ZBTB7C: variants seen among roughly 807,000 people sequenced by gnomAD.
ZBTB7C encodes the protein zinc finger and BTB domain-containing protein 7C.
A neutral mutation model predicts 25.7 loss-of-function variants in ZBTB7C; 8 were observed. The ratio of observed to expected loss-of-function variants is 0.31; its 90% CI spans 0.18 to 0.56. ZBTB7C has a LOEUF of 0.56. ZBTB7C is among the 20% of genes least tolerant of loss of function. ZBTB7C has a pLI of 0.91. For synonymous variants in ZBTB7C, 394 were observed against 369.0 expected (o/e 1.07, Z -0.78); for missense variants, 824 against 855.2 (o/e 0.96, Z 0.46).
At chr18:48,093,309 CCAA>C (rs2038490590) in intron 3 of ZBTB7C, among the ~76,000 whole-genome samples, 1 of 152,192 alleles carries the variant, frequency 6.6e-6, no homozygotes, top group Non-Finnish European at 1.5e-5. Flanking sequence ...CTCCCCCTGG[CCAA>C]GCCTAGCCAG....
intron 3 of ZBTB7C, among the ~76,000 whole-genome samples, chr18:48,077,794 G>C (rs529355085): frequency 7.2e-5 from 11 of 152,288 alleles, no homozygotes; most frequent in Non-Finnish European, 1.5e-4. Flanking sequence ...GCAGAGGCAG[G>C]ACTCAGGCCT....
At chr18:48,395,407 G>A (rs2048006422) in intron 1 of ZBTB7C, among the ~76,000 whole-genome samples, 1 of 142,932 alleles carries the variant, frequency 7.0e-6, no homozygotes, top group Non-Finnish European at 1.5e-5. Context: ...GTGTGTCAGA[G>A]GGGTTGGGGG....
At chr18:48,298,597 T>G (rs2045463305) in intron 2 of ZBTB7C, among the ~76,000 whole-genome samples, 1 of 152,174 alleles carries the variant, frequency 6.6e-6, no homozygotes, top group African/African-American at 2.4e-5. Context: ...TTACCACTCA[T>G]GCACTTTGGT....
intron 2 of ZBTB7C, among the ~76,000 whole-genome samples, chr18:48,314,519 C>T (rs1455442849): frequency 6.6e-6 from 1 of 152,146 alleles, no homozygotes; most frequent in African/African-American, 2.4e-5. Flanking sequence ...AGGAAAAGGG[C>T]AGGAGAGCCC....
chr18:48,188,745 G>C (rs960818186), intron 2 of ZBTB7C, among the ~76,000 whole-genome samples: 1 of 151,994 alleles, frequency 6.6e-6, no homozygotes, highest in Non-Finnish European at 1.5e-5. Flanking sequence ...TCCCCTGTCT[G>C]CTCTCCCCAC....
Position 48,216,915 on chromosome 18 carries a change from C to T in ZBTB7C, c.-78-30920G>A, listed in dbSNP as rs369396535. Among the ~76,000 whole-genome samples, 5 of 152,280 alleles carry T rather than the reference C, an allele frequency of 3.3e-5. No homozygotes were observed. In the East Asian group the frequency reaches 5.8e-4, roughly 18 times the overall value. On this transcript the variant is annotated intron_variant, in intron 2 of 4. Coordinates refer to ENST00000590800, the MANE Select transcript of ZBTB7C (RefSeq NM_001318841.2). ...GTAATTAATTAGGATGAGGTCATAC[C>T]GGATGAGAGTAGGTCTCTAATCTAG...
intron 2 of ZBTB7C, among the ~76,000 whole-genome samples, chr18:48,326,029 A>G (rs1055281457): frequency 6.6e-6 from 1 of 152,096 alleles, no homozygotes; most frequent in African/African-American, 2.4e-5. Flanking sequence ...GGGACAGAGC[A>G]TAAGGACCTG....
intron 1 of ZBTB7C, among the ~76,000 whole-genome samples, chr18:48,404,874 C>T (rs1013443490): frequency 6.6e-6 from 1 of 152,222 alleles, no homozygotes; most frequent in Non-Finnish European, 1.5e-5. Context: ...GAGCAACATG[C>T]CAGCCCTGCC....
At chr18:48,097,391 A>G (rs1177055148) in intron 3 of ZBTB7C, among the ~76,000 whole-genome samples, 9 of 149,074 alleles carry the variant, frequency 6.0e-5, no homozygotes, top group South Asian at 4.2e-4. Flanking sequence ...TGTTATTATT[A>G]TTATTATTAT....
Position 48,162,588 on chromosome 18 carries a change from T to G in ZBTB7C, c.-17+23346A>C, listed in dbSNP as rs535549710. 2.0e-5 allele frequency among the ~76,000 whole-genome samples: 3 copies of G among 152,284 alleles called. No homozygotes were observed. The South Asian group carries it at 6.2e-4, about 32-fold the overall frequency. On this transcript the variant is annotated intron_variant, in intron 3 of 4. Transcript: ENST00000590800. ...AAGCACCTCCTATGCACGAGGGAGA[T>G]CACATGGTATGGTCCAAGAGTCTTG...
intron 3 of ZBTB7C, among the ~76,000 whole-genome samples, chr18:48,098,113 A>C (rs560880690): frequency 6.6e-6 from 1 of 152,316 alleles, no homozygotes; most frequent in Admixed American, 6.5e-5. Context: ...AACATTTGTG[A>C]TGGGTGAGAG....
At chr18:48,182,064 G>T (rs1205236395) in intron 3 of ZBTB7C, among the ~76,000 whole-genome samples, 4 of 152,168 alleles carry the variant, frequency 2.6e-5, no homozygotes, top group Non-Finnish European at 4.4e-5. Context: ...TCTGTGTCCT[G>T]CAAACTCTGT....
intron 2 of ZBTB7C, among the ~76,000 whole-genome samples, chr18:48,267,212 C>A (rs140508498): frequency 6.6e-6 from 1 of 152,334 alleles, no homozygotes; most frequent in Non-Finnish European, 1.5e-5. Context: ...ACAGAAACTA[C>A]ATGACAGGAA....
chr18:48,067,845 T>C (rs1295722821), intron 3 of ZBTB7C, among the ~76,000 whole-genome samples: 1 of 151,848 alleles, frequency 6.6e-6, no homozygotes, highest in Non-Finnish European at 1.5e-5. Context: ...CTACTAAAAA[T>C]ACAAAATTAG....
At chr18:48,099,377 T>G (rs2038752215) in intron 3 of ZBTB7C, among the ~76,000 whole-genome samples, 1 of 152,236 alleles carries the variant, frequency 6.6e-6, no homozygotes, top group Non-Finnish European at 1.5e-5. Flanking sequence ...TAGTATATAA[T>G]AGGCAAGTGC....
At chr18:48,070,417 T>C (rs144448394) in intron 3 of ZBTB7C, among the ~76,000 whole-genome samples, 1 of 152,208 alleles carries the variant, frequency 6.6e-6, no homozygotes, top group South Asian at 2.1e-4. Flanking sequence ...GAGAAAAGGA[T>C]TGGTGCTATC....
At chr18:48,212,780 A>G (rs1363540706) in intron 2 of ZBTB7C, among the ~76,000 whole-genome samples, 1 of 152,146 alleles carries the variant, frequency 6.6e-6, no homozygotes, top group Non-Finnish European at 1.5e-5. Flanking sequence ...GAGACTGTCC[A>G]TGCCAGACAA....
At chr18:48,217,262 C>T (rs1219541007) in intron 2 of ZBTB7C, among the ~76,000 whole-genome samples, 3 of 152,194 alleles carry the variant, frequency 2.0e-5, no homozygotes, top group South Asian at 2.1e-4. Flanking sequence ...TTCTCCCCAG[C>T]GTTCTTTGGT....
chr18:48,076,837 G>T, intron 3 of ZBTB7C: 1 of 626,596 alleles, frequency 1.6e-6, no homozygotes, highest in Non-Finnish European at 2.0e-6. Flanking sequence ...TGGGATTGCA[G>T]GAGAATGTAG....
Sources: gnomAD v4.1 joint callset for allele counts (sites outside exome capture counted in the v4.1 genomes callset) on GRCh38, gnomAD v4.1.1 for gene constraint, MANE v1.5 for transcripts, NCBI Gene and HGNC (gene_info 2026-07-23, HGNC 2026-07-21) for gene names.